Variants in HTR7 observed in about 807,000 individuals in gnomAD.
HTR7 encodes 5-HT-7.
HTR7 carries 16 observed loss-of-function variants against 34.0 expected under a neutral mutation model. The observed-to-expected ratio is 0.47, with a 90% confidence interval of 0.32 to 0.71. The LOEUF (loss-of-function observed/expected upper bound fraction) is 0.71, where lower values mean the gene tolerates loss of function less well. Ranked by LOEUF, HTR7 falls within the 30% of genes least tolerant of loss-of-function variation. The pLI, the probability that HTR7 is intolerant of heterozygous loss-of-function variation, is 0.04. For missense variants in HTR7, 504 were observed against 625.5 expected, an observed-to-expected ratio of 0.81 and a Z score of 2.07; for synonymous variants, 265 against 260.2, an observed-to-expected ratio of 1.02 and a Z score of -0.18.
chr10:90,786,649 T>C (rs12413941), intron 1 of HTR7, among the ~76,000 whole-genome samples: 42,529 of 152,160 alleles, frequency 0.28, 6,516 homozygotes, highest in African/African-American at 0.41. Flanking sequence ...TAAAATGCCA[T>C]TTTTCAGGAA....
chr10:90,799,602 C>A (rs1018658629), intron 1 of HTR7, among the ~76,000 whole-genome samples: 1 of 152,068 alleles, frequency 6.6e-6, no homozygotes, highest in South Asian at 2.1e-4. Flanking sequence ...CCTCAAATTG[C>A]TTGACAAAGA....
intron 1 of HTR7, among the ~76,000 whole-genome samples, chr10:90,823,227 A>G (rs1846014743): frequency 6.6e-6 from 1 of 152,192 alleles, no homozygotes; most frequent in African/African-American, 2.4e-5. Context: ...TCTCAACACC[A>G]GCCCATAAAA....
intron 1 of HTR7, among the ~76,000 whole-genome samples, chr10:90,826,189 T>A (rs1192905254): frequency 1.3e-5 from 2 of 151,948 alleles, no homozygotes; most frequent in African/African-American, 4.8e-5. Flanking sequence ...CAGGAAAGAG[T>A]GGCATACATA....
intron 1 of HTR7, among the ~76,000 whole-genome samples, chr10:90,838,682 T>C (rs1846285451): frequency 6.6e-6 from 1 of 152,200 alleles, no homozygotes; most frequent in Non-Finnish European, 1.5e-5. Flanking sequence ...AGGTTTTCCT[T>C]TTGTCTCTCT....
chr10:90,798,566 T>A (rs549391872), intron 1 of HTR7, among the ~76,000 whole-genome samples: 2,466 of 152,172 alleles, frequency 0.016, 81 homozygotes, highest in African/African-American at 0.055. Context: ...ACTAAAAAAA[T>A]TTAGCCAAGT....
chr10:90,828,804 A>G (rs1846118954), intron 1 of HTR7, among the ~76,000 whole-genome samples: 1 of 152,192 alleles, frequency 6.6e-6, no homozygotes, highest in East Asian at 1.9e-4. Flanking sequence ...TCTGAAAAAT[A>G]GAATACTTCT....
intron 1 of HTR7, among the ~76,000 whole-genome samples, chr10:90,759,069 C>A (rs1321147982): frequency 6.6e-6 from 1 of 152,002 alleles, no homozygotes; most frequent in Non-Finnish European, 1.5e-5. Flanking sequence ...TGCCTGTCAT[C>A]CCAGCTACTC....
intron 1 of HTR7, among the ~76,000 whole-genome samples, chr10:90,791,892 T>C (rs1845465564): frequency 6.6e-6 from 1 of 152,162 alleles, no homozygotes; most frequent in Non-Finnish European, 1.5e-5. Flanking sequence ...TACAGTTCTT[T>C]GGGATTTACC....
chr10:90,843,136 T>C (rs2120096650), intron 1 of HTR7, among the ~76,000 whole-genome samples: 1 of 152,254 alleles, frequency 6.6e-6, no homozygotes, highest in Non-Finnish European at 1.5e-5. Flanking sequence ...CCTCCTTTTT[T>C]TTCCTTCCTT....
chr10:90,854,731 T>C (rs1336109887), intron 1 of HTR7, among the ~76,000 whole-genome samples: 1 of 152,056 alleles, frequency 6.6e-6, no homozygotes, highest in African/African-American at 2.4e-5. Flanking sequence ...TTAAGAAAAA[T>C]GAAAGGTTCC....
At chr10:90,823,370 T>A (rs1846017237) in intron 1 of HTR7, among the ~76,000 whole-genome samples, 1 of 152,226 alleles carries the variant, frequency 6.6e-6, no homozygotes, top group Non-Finnish European at 1.5e-5. Flanking sequence ...AGCTTTAAGA[T>A]GTAATGACTG....
At chr10:90,840,911 T>C (rs56369629) in intron 1 of HTR7, among the ~76,000 whole-genome samples, 21,631 of 152,266 alleles carry the variant, frequency 0.14, 1,891 homozygotes, top group East Asian at 0.2. Flanking sequence ...GTCTGTTGAC[T>C]CCAAGGCCTG....
At chr10:90,753,397 GA>G (rs1036273680) in intron 1 of HTR7, among the ~76,000 whole-genome samples, 18 of 151,502 alleles carry the variant, frequency 1.2e-4, no homozygotes, top group Admixed American at 1.1e-3. Flanking sequence ...GAGAGAGAAA[GA>G]AACTAATGAC....
chr10:90,783,282 T>A (rs1438820909), intron 1 of HTR7, among the ~76,000 whole-genome samples: 1 of 152,220 alleles, frequency 6.6e-6, no homozygotes, highest in East Asian at 1.9e-4. Context: ...AGTGCCCAAG[T>A]TGAAAAGGCA....
intron 1 of HTR7, among the ~76,000 whole-genome samples, chr10:90,759,359 T>C (rs1414000291): frequency 2.6e-5 from 4 of 151,362 alleles, no homozygotes; most frequent in African/African-American, 4.9e-5. Context: ...AATGAAGAAT[T>C]TAAAACCAGG....
chr10:90,831,876 T>C (rs1354255709), intron 1 of HTR7, among the ~76,000 whole-genome samples: 1 of 152,142 alleles, frequency 6.6e-6, no homozygotes, highest in Non-Finnish European at 1.5e-5. Context: ...GAGTGTCGAT[T>C]GGTGCATTCA....
intron 1 of HTR7, among the ~76,000 whole-genome samples, chr10:90,759,474 T>TGAAA (rs1389088163): frequency 2.0e-5 from 3 of 148,034 alleles, no homozygotes; most frequent in Admixed American, 1.3e-4. Context: ...GCTAACAAGG[T>TGAAA]GAAACCCCGT....
At chr10:90,848,069 CTTTT>C (rs61675028) in intron 1 of HTR7, among the ~76,000 whole-genome samples, 3 of 112,092 alleles carry the variant, frequency 2.7e-5, no homozygotes, top group African/African-American at 3.8e-5. Context: ...TCTCTTTGTT[CTTTT>C]TTTTTTTTTT....
At chr10:90,815,805 T>C (rs189316704) in intron 1 of HTR7, among the ~76,000 whole-genome samples, 1 of 152,352 alleles carries the variant, frequency 6.6e-6, no homozygotes, top group African/African-American at 2.4e-5. Context: ...GAGTAAAAGC[T>C]AGAATGCTGG....
Sources: allele counts gnomAD v4.1 joint callset (sites outside exome capture counted in the v4.1 genomes callset), GRCh38; gene constraint gnomAD v4.1.1; transcripts MANE v1.5; gene names NCBI Gene and HGNC (gene_info 2026-07-23, HGNC 2026-07-21).